Variants in XKR6 observed in about 807,000 individuals in gnomAD.
XKR6 encodes the protein XK-related protein 6.
XKR6 carries 22 observed loss-of-function variants against 56.7 expected under a neutral mutation model. That is an observed-to-expected ratio of 0.39 (90% confidence interval 0.28 to 0.55). XKR6 has a LOEUF of 0.55. XKR6 is among the 20% of genes least tolerant of loss of function. XKR6 has a pLI of 0.66. For missense variants in XKR6, 852 were observed against 889.0 expected, an observed-to-expected ratio of 0.96 and a Z score of 0.53; for synonymous variants, 524 against 387.8, an observed-to-expected ratio of 1.35 and a Z score of -4.13.
chr8:11,063,225 G>A (rs1484923257), intron 1 of XKR6, among the ~76,000 whole-genome samples: 1 of 129,572 alleles, frequency 7.7e-6, no homozygotes, highest in Non-Finnish European at 1.7e-5. Context: ...AAATAAATAA[G>A]GTAACATAAA....
At position 11,006,190 on chromosome 8, in the gene XKR6, T is replaced by C. The variant is rs192384293; in HGVS notation, c.765-81360A>G. Reference sequence around the variant, plus strand: ...GAGAGAAAGAAAAATAAGAGATTAATTGGTGATTGATTCACTAGAGAGTAG... The same window carrying C: ...GAGAGAAAGAAAAATAAGAGATTAACTGGTGATTGATTCACTAGAGAGTAG... On this transcript the variant is annotated intron_variant, in intron 1 of 2. Transcript: ENST00000416569. 2.0e-5 allele frequency among the ~76,000 whole-genome samples: 3 copies of C among 152,264 alleles called. No individual in the cohort carries two copies. The East Asian group carries it at 5.8e-4, about 29-fold the overall frequency.
Position 10,897,782 on chromosome 8 carries a change from G to A in XKR6, c.*170C>T. 1.3e-6 allele frequency: 1 copy of A among 777,674 alleles called. No individual in the cohort carries two copies. Among genetic ancestry groups the A allele is most frequent in the Non-Finnish European group, 1.9e-6 (1 of 519,998 alleles). 48.2% of individuals were successfully genotyped at this position (777,674 alleles called of 1,614,324 possible). On this transcript the variant is annotated 3_prime_UTR_variant, in exon 3 of 3. Transcript: ENST00000416569. ...CTGGAAAGAAAGCTTATTTGAAGGG[G>A]TTGTGACTTATTAATTCTTTTTTTT...
At chr8:11,198,750 G>T (rs1254328443) in intron 1 of XKR6, among the ~76,000 whole-genome samples, 2 of 152,094 alleles carry the variant, frequency 1.3e-5, no homozygotes, top group African/African-American at 4.8e-5. Context: ...ATTTTAACCT[G>T]ACACCAACAT....
At chr8:11,199,925 C>A (rs1170852929) in intron 1 of XKR6, among the ~76,000 whole-genome samples, 1 of 152,134 alleles carries the variant, frequency 6.6e-6, no homozygotes, top group African/African-American at 2.4e-5. Context: ...ACATTTTATC[C>A]CATTTTTACC....
In XKR6 at chr8:10,897,771, T is replaced by A. The variant is rs1252761857; in HGVS notation, c.*181A>T. The A allele has an allele frequency of 7.7e-6, 5 of 651,076 alleles. No individual in the cohort carries two copies. Among genetic ancestry groups the A allele is most frequent in the Non-Finnish European group, 1.2e-5 (5 of 422,970 alleles). 40.3% of individuals were successfully genotyped at this position (651,076 alleles called of 1,614,324 possible). A position where few individuals can be genotyped will look rare whatever the true frequency, so the allele number is the denominator to read the frequency against. ...ACATACAGCGACTGGAAAGAAAGCTTATTTGAAGGGGTTGTGACTTATTAA... is the reference window on the plus strand; with the variant it reads ...ACATACAGCGACTGGAAAGAAAGCTAATTTGAAGGGGTTGTGACTTATTAA... On this transcript the variant is annotated 3_prime_UTR_variant, in exon 3 of 3. Coordinates refer to ENST00000416569, the MANE Select transcript of XKR6 (RefSeq NM_173683.4).
At chr8:11,155,035 G>C (rs1801448494) in intron 1 of XKR6, among the ~76,000 whole-genome samples, 1 of 152,232 alleles carries the variant, frequency 6.6e-6, no homozygotes. Flanking sequence ...CTGCGTTAGA[G>C]ATTAAAACAA....
At chr8:11,198,781 C>T (rs1233845999) in intron 1 of XKR6, among the ~76,000 whole-genome samples, 2 of 152,126 alleles carry the variant, frequency 1.3e-5, no homozygotes, top group African/African-American at 2.4e-5. Flanking sequence ...CACACTTCGG[C>T]TTGTTCAGCA....
chr8:11,097,096 C>G (rs952735977), intron 1 of XKR6, among the ~76,000 whole-genome samples: 9 of 152,282 alleles, frequency 5.9e-5, no homozygotes, highest in Non-Finnish European at 1.0e-4. Context: ...CAGAGATAGT[C>G]AAGTAAGTTT....
intron 1 of XKR6, among the ~76,000 whole-genome samples, chr8:11,019,415 C>A (rs938383763): frequency 1.3e-5 from 2 of 152,202 alleles, no homozygotes; most frequent in African/African-American, 2.4e-5. Flanking sequence ...TCGGGACCAC[C>A]CATTGTAACT....
At chr8:10,918,276 T>C (rs1403871314) in intron 2 of XKR6, among the ~76,000 whole-genome samples, 1 of 152,222 alleles carries the variant, frequency 6.6e-6, no homozygotes, top group Non-Finnish European at 1.5e-5. Flanking sequence ...ACAGTGAGGC[T>C]TCCCCCTGAG....
intron 1 of XKR6, among the ~76,000 whole-genome samples, chr8:11,130,320 T>C (rs1380932708): frequency 6.6e-6 from 1 of 152,100 alleles, no homozygotes; most frequent in Non-Finnish European, 1.5e-5. Flanking sequence ...AAGATCTAAG[T>C]TCGGGATTTT....
chr8:10,968,399 G>A (rs1323834339), intron 1 of XKR6, among the ~76,000 whole-genome samples: 6 of 152,264 alleles, frequency 3.9e-5, no homozygotes, highest in African/African-American at 9.6e-5. Context: ...CTGTGGGACT[G>A]GAATCTTCCA....
intron 1 of XKR6, chr8:11,175,333 G>C (rs899478512): frequency 6.4e-6 from 1 of 156,464 alleles, no homozygotes; most frequent in African/African-American, 2.4e-5. Flanking sequence ...CTGAACTTAA[G>C]GGTTTCCATG....
intron 1 of XKR6, among the ~76,000 whole-genome samples, chr8:10,947,256 C>T (rs1373815230): frequency 6.6e-6 from 1 of 152,078 alleles, no homozygotes; most frequent in Non-Finnish European, 1.5e-5. Context: ...TTTGGTTGAC[C>T]AGAAGAATGG....
chr8:10,967,275 C>T (rs1586367422), intron 1 of XKR6, among the ~76,000 whole-genome samples: 2 of 152,338 alleles, frequency 1.3e-5, no homozygotes, highest in East Asian at 1.9e-4. Flanking sequence ...CCTCCTATGG[C>T]AACTGTGGGA....
intron 1 of XKR6, among the ~76,000 whole-genome samples, chr8:11,173,914 G>A (rs375172594): frequency 1.3e-5 from 2 of 152,184 alleles, no homozygotes; most frequent in East Asian, 3.8e-4. Flanking sequence ...GGGAAAAAAA[G>A]AGGGAAGAAC....
chr8:10,990,988 C>T (rs1053052076), intron 1 of XKR6, among the ~76,000 whole-genome samples: 1 of 151,092 alleles, frequency 6.6e-6, no homozygotes, highest in African/African-American at 2.4e-5. Context: ...CTGCCACCTC[C>T]ACCTCCCGGA....
chr8:10,987,236 A>C (rs540714774), intron 1 of XKR6, among the ~76,000 whole-genome samples: 2 of 152,230 alleles, frequency 1.3e-5, no homozygotes, highest in African/African-American at 4.8e-5. Flanking sequence ...GGATCCCACA[A>C]TTCTTTGTCC....
At chr8:11,013,729 T>C (rs535197145) in intron 1 of XKR6, among the ~76,000 whole-genome samples, 21 of 152,340 alleles carry the variant, frequency 1.4e-4, no homozygotes, top group African/African-American at 5.0e-4. Flanking sequence ...AGCACCTTCA[T>C]GTTTATACCA....
Sources: gnomAD v4.1 joint callset for allele counts (sites outside exome capture counted in the v4.1 genomes callset) on GRCh38, gnomAD v4.1.1 for gene constraint, MANE v1.5 for transcripts, NCBI Gene and HGNC (gene_info 2026-07-23, HGNC 2026-07-21) for gene names.